Variants in GAN observed in about 807,000 individuals in gnomAD.
GAN encodes gigaxonin.
A neutral mutation model predicts 71.3 loss-of-function variants in GAN; 48 were observed. That is an observed-to-expected ratio of 0.67 (90% CI 0.53 to 0.86). The LOEUF (loss-of-function observed/expected upper bound fraction) is 0.86, where lower values mean the gene tolerates loss of function less well. Among genes scored for constraint, GAN ranks in the 40% least tolerant of loss-of-function variants. The probability of loss-of-function intolerance (pLI) is 0.00; values close to 1 mark genes in which losing one functional copy is unlikely to be tolerated. For missense variants in GAN, 928 were observed against 770.1 expected (o/e 1.21, Z -2.43); for synonymous variants, 386 against 276.8 (o/e 1.39, Z -3.92).
In GAN at chr16:81,363,794, G is replaced by C. The variant is rs755753336; in HGVS notation, c.1087G>C (p.Ala363Pro). ...TWTALPPMNE[A>P]RHNFGIVEID... ...TCAGGGATCGCTAATGTAATTTCAG[G>C]CAAGACATAACTTCGGAATTGTGGA... The change falls in exon 7 of 11, where the codon GCA (alanine) becomes CCA (proline). Residue 363 changes from alanine (A) to proline (P), a missense_variant and splice_region_variant. Coordinates refer to ENST00000648994, the MANE Select transcript of GAN (RefSeq NM_022041.4). 2 of 1,613,404 alleles carry C rather than the reference G, an allele frequency of 1.2e-6. No homozygotes were observed. Among genetic ancestry groups the C allele is most frequent in the African/African-American group, 2.7e-5 (2 of 74,888 alleles).
Position 81,378,923 on chromosome 16 carries a change from T to C in GAN, c.*1327T>C, listed in dbSNP as rs1384217371. 6.6e-6 allele frequency: 1 copy of C among 152,500 alleles called. No individual in the cohort carries two copies. Among genetic ancestry groups the C allele is most frequent in the African/African-American group, 2.4e-5 (1 of 41,458 alleles). The allele number at this position is 152,500 out of a possible 1,614,324, so 9.4% of individuals were successfully genotyped here. ...TTCCACTTGAATTACACCACCCTAGTGTGAAATCGGGGACTTCAAAGTGCT... is the reference window on the plus strand; with the variant it reads ...TTCCACTTGAATTACACCACCCTAGCGTGAAATCGGGGACTTCAAAGTGCT... On this transcript the variant is annotated 3_prime_UTR_variant, in exon 11 of 11. Transcript: ENST00000648994.
At chr16:81,371,915 C>T (rs567407987) in intron 9 of GAN, 1 of 152,312 alleles carries the variant, frequency 6.6e-6, no homozygotes, top group South Asian at 2.1e-4. Context: ...TGTAGTTTGT[C>T]CAGAGTTTAC....
At chr16:81,371,203 T>G (rs148405721) in intron 9 of GAN, among the ~76,000 whole-genome samples, 247 of 152,362 alleles carry the variant, frequency 1.6e-3, no homozygotes, top group African/African-American at 5.2e-3. Context: ...ATTTCCTATC[T>G]TTCCATCACA....
At position 81,359,079 on chromosome 16, in the gene GAN, A is replaced by G. The variant is rs192617999; in HGVS notation, c.973+1148A>G. Among the ~76,000 whole-genome samples the G allele has an allele frequency of 2.3e-3, 344 of 152,330 alleles. 3 individuals carry two copies. The highest frequency in any genetic ancestry group is 1.5e-3 in the Non-Finnish European group (100 of 68,018). On this transcript the variant is annotated intron_variant, in intron 5 of 10. Coordinates refer to ENST00000648994, the MANE Select transcript of GAN (RefSeq NM_022041.4). The stretch of plus-strand genomic sequence containing the variant: ...TCTACCATAGTATAGAAGTGGAGTC[A>G]TTTTATGAGTCCCAAAATTATTAGT...
At chr16:81,345,941 C>G (rs1910104200) in intron 1 of GAN, among the ~76,000 whole-genome samples, 2 of 152,164 alleles carry the variant, frequency 1.3e-5, no homozygotes, top group Admixed American at 6.5e-5. Flanking sequence ...CCTTCACATG[C>G]CCAGTTCACA....
At chr16:81,329,807 C>G (rs1393414246) in intron 1 of GAN, among the ~76,000 whole-genome samples, 1 of 152,162 alleles carries the variant, frequency 6.6e-6, no homozygotes, top group Non-Finnish European at 1.5e-5. Context: ...CCTGCACTGT[C>G]TCCCACGGTG....
rs375347652 is a variant in GAN, at chr16:81,365,330, C to T, written c.1374-20C>T. 5.5e-5 allele frequency: 88 copies of T among 1,613,606 alleles called. No individual in the cohort carries two copies. Among genetic ancestry groups the T allele is most frequent in the Non-Finnish European group, 6.8e-5 (80 of 1,179,902 alleles). On this transcript the variant is annotated intron_variant, in intron 8 of 10. Transcript: ENST00000648994. Reference sequence around the variant, plus strand: ...GCATTGTACAGCTTGTGCCTGATAACGCTGTGTGTGGCCTTTCAGGTTTGG... The same window carrying T: ...GCATTGTACAGCTTGTGCCTGATAATGCTGTGTGTGGCCTTTCAGGTTTGG...
In GAN at chr16:81,315,139, A is replaced by G; in HGVS notation, c.26A>G (p.Asp9Gly). MAEGSAVS[D>G]PQHAARLLRA... ...ATGGCTGAGGGCAGTGCCGTGTCTG[A>G]CCCTCAGCACGCCGCGCGTCTGCTG... The change falls in exon 1 of 11, where the codon GAC becomes GGC. Residue 9 changes from aspartate (D) to glycine (G), a missense_variant. By Grantham distance (94) the Asp-to-Gly change is moderately conservative (BLOSUM62 -1). Transcript: ENST00000648994. 6.5e-7 allele frequency: 1 copy of G among 1,531,658 alleles called. No homozygotes were observed. The allele number at this position is 1,531,658 out of a possible 1,614,324, so 94.9% of individuals were successfully genotyped here.
intron 1 of GAN, among the ~76,000 whole-genome samples, chr16:81,335,743 T>G (rs1485645153): frequency 1.5e-5 from 1 of 64,728 alleles, no homozygotes. Context: ...TGAGACTCAG[T>G]CTCAAAAAAA....
intron 1 of GAN, among the ~76,000 whole-genome samples, chr16:81,342,038 G>T: frequency 6.6e-6 from 1 of 152,150 alleles, no homozygotes; most frequent in East Asian, 1.9e-4. Context: ...GACAAAGAAG[G>T]CCATTACATA....
At chr16:81,366,001 G>T (rs1319293143) in intron 9 of GAN, among the ~76,000 whole-genome samples, 1 of 151,798 alleles carries the variant, frequency 6.6e-6, no homozygotes, top group East Asian at 1.9e-4. Context: ...CTGCAAACAT[G>T]TGTGGTTGTC....
At chr16:81,346,001 A>G (rs1910107184) in intron 1 of GAN, among the ~76,000 whole-genome samples, 1 of 152,238 alleles carries the variant, frequency 6.6e-6, no homozygotes, top group South Asian at 2.1e-4. Context: ...GCAAGCAAGT[A>G]CAGCTAGCTC....
chr16:81,350,143 C>G (rs1308824889), intron 1 of GAN, among the ~76,000 whole-genome samples: 1 of 151,610 alleles, frequency 6.6e-6, no homozygotes, highest in African/African-American at 2.4e-5. Context: ...TGATTAGTAT[C>G]ACAAATATGT....
chr16:81,324,980 A>C (rs1254439661), intron 1 of GAN, among the ~76,000 whole-genome samples: 1 of 152,172 alleles, frequency 6.6e-6, no homozygotes. Flanking sequence ...GACATTTGGC[A>C]CCAGGACATG....
At chr16:81,348,919 C>G (rs374410382) in intron 1 of GAN, among the ~76,000 whole-genome samples, 63 of 152,326 alleles carry the variant, frequency 4.1e-4, no homozygotes, top group African/African-American at 1.2e-3. Context: ...GAGAAAAAGA[C>G]TAATGGTCCA....
intron 3 of GAN, among the ~76,000 whole-genome samples, chr16:81,356,431 C>G (rs7203482): frequency 0.43 from 65,073 of 151,826 alleles, 14,536 homozygotes; most frequent in Middle Eastern, 0.53. Flanking sequence ...CATGATTTAA[C>G]TCATGGCACA....
intron 2 of GAN, among the ~76,000 whole-genome samples, chr16:81,352,512 T>G (rs1910332807): frequency 6.6e-6 from 1 of 152,198 alleles, no homozygotes; most frequent in Non-Finnish European, 1.5e-5. Context: ...CATTTCATCT[T>G]TATTCTTTCT....
chr16:81,344,578 G>A (rs1321458776), intron 1 of GAN, among the ~76,000 whole-genome samples: 2 of 152,024 alleles, frequency 1.3e-5, no homozygotes, highest in African/African-American at 4.8e-5. Context: ...AACTGAAACT[G>A]GACCTTCTTA....
intron 1 of GAN, among the ~76,000 whole-genome samples, chr16:81,334,322 C>T (rs1447706153): frequency 6.6e-6 from 1 of 152,170 alleles, no homozygotes; most frequent in Admixed American, 6.5e-5. Flanking sequence ...GTTGCTTCTG[C>T]ACCTCCATTG....
Sources: allele counts gnomAD v4.1 joint callset (sites outside exome capture counted in the v4.1 genomes callset), GRCh38; gene constraint gnomAD v4.1.1; transcripts MANE v1.5; gene names NCBI Gene and HGNC (gene_info 2026-07-23, HGNC 2026-07-21).